CABIN1: variants seen among roughly 807,000 people sequenced by gnomAD.
The protein encoded by CABIN1 is calcineurin-binding protein cabin-1.
A neutral mutation model predicts 227.7 loss-of-function variants in CABIN1; 133 were observed. The ratio of observed to expected loss-of-function variants is 0.58; its 90% confidence interval spans 0.51 to 0.67. CABIN1 has a LOEUF of 0.67. Among genes scored for constraint, CABIN1 ranks in the 30% least tolerant of loss-of-function variants. The probability of loss-of-function intolerance (pLI) is 0.00; values close to 1 mark genes in which losing one functional copy is unlikely to be tolerated. For synonymous variants in CABIN1, 1,086 were observed against 1,155.1 expected (o/e 0.94, Z 1.21); for missense variants, 2,408 against 2,852.5 (o/e 0.84, Z 3.55).
chr22:24,089,749 C>T (rs1275556104), intron 23 of CABIN1, among the ~76,000 whole-genome samples: 1 of 152,176 alleles, frequency 6.6e-6, no homozygotes, highest in Non-Finnish European at 1.5e-5. Flanking sequence ...CTGCTGTGTG[C>T]TTCAGCTTTT....
intron 29 of CABIN1, among the ~76,000 whole-genome samples, chr22:24,148,975 C>T (rs1419871210): frequency 6.6e-6 from 1 of 152,190 alleles, no homozygotes; most frequent in Non-Finnish European, 1.5e-5. Flanking sequence ...CCTTTTTCCT[C>T]CCTCTGCTTT....
chr22:24,030,920 C>T (rs1399770836), intron 1 of CABIN1, among the ~76,000 whole-genome samples: 1 of 152,166 alleles, frequency 6.6e-6, no homozygotes, highest in East Asian at 1.9e-4. Context: ...GAAGCATATG[C>T]CCCAGAGGAA....
At chr22:24,061,849 A>G in intron 12 of CABIN1, 98 bp from the exon 13 acceptor site, 1 of 836,010 alleles carries the variant, frequency 1.2e-6, no homozygotes, top group Non-Finnish European at 2.0e-6. Context: ...TATTTTTATC[A>G]AAAAGTATAG....
chr22:24,161,878 T>C (rs946236548), intron 29 of CABIN1, among the ~76,000 whole-genome samples: 8 of 151,842 alleles, frequency 5.3e-5, no homozygotes, highest in African/African-American at 1.9e-4. Flanking sequence ...CCTGTCCCAC[T>C]CCAGGAGACC....
chr22:24,057,171 C>T lies in CABIN1; in HGVS notation c.1262+811C>T, dbSNP rs893977643. Among the ~76,000 whole-genome samples the T allele has an allele frequency of 5.9e-5, 9 of 152,110 alleles. 1 individual carries two copies. Among genetic ancestry groups the T allele is most frequent in the South Asian group, 2.1e-4 (1 of 4,824 alleles). ...CAGGATGGTCTTGATCTCCTGACCT[C>T]GTAATCTGCCCGCCTCAACCTCCCA... On this transcript the variant is annotated intron_variant, in intron 10 of 36. Coordinates refer to ENST00000263119, the MANE Select transcript of CABIN1 (RefSeq NM_012295.4).
At chr22:24,137,866 TC>T (rs1370161316) in intron 29 of CABIN1, among the ~76,000 whole-genome samples, 1 of 152,240 alleles carries the variant, frequency 6.6e-6, no homozygotes, top group Admixed American at 6.5e-5. Flanking sequence ...GGGCCATGTC[TC>T]TGGTAGATAG....
chr22:24,062,816 T>TC (rs1443790203), intron 13 of CABIN1, 143 bp from the exon 14 acceptor site: 6 of 811,574 alleles, frequency 7.4e-6, no homozygotes, highest in Non-Finnish European at 1.1e-5. Flanking sequence ...TGCCTGCCAC[T>TC]CAGGGAGCTG....
Position 24,063,112 on chromosome 22 carries a change from T to A in CABIN1, c.1850T>A (p.Val617Asp). The A allele has an allele frequency of 6.2e-7, 1 of 1,614,166 alleles. No homozygotes were observed. The highest frequency in any genetic ancestry group is 8.5e-7 in the Non-Finnish European group (1 of 1,180,026). The change falls in exon 14 of 37, where the codon GTT (valine) becomes GAT (aspartate). Residue 617 changes from valine to aspartate, a missense_variant. Physicochemically the swap from Val to Asp is radical, Grantham distance 152. Coordinates refer to ENST00000263119, the MANE Select transcript of CABIN1 (RefSeq NM_012295.4). ...EDGWLEFVVR[V>D]YWLKARFLAL... ...GGTTGGCTGGAGTTTGTGGTCCGTG[T>A]TTACTGGCTGAAGGCTCGCTTCCTG...
Position 24,165,585 on chromosome 22 carries a change from A to G in CABIN1, c.4966A>G (p.Thr1656Ala). The G allele has an allele frequency of 6.2e-7, 1 of 1,613,188 alleles. No homozygotes were observed. The highest frequency in any genetic ancestry group is 8.5e-7 in the Non-Finnish European group (1 of 1,179,976). ...QVLAQRAFIL[T>A]VKVLEDTLSE... ...CCTGGCGCAGCGGGCCTTCATCCTC[A>G]CTGTGAAGGTGCTCGAAGACACGCT... The change falls in exon 31 of 37, where the codon ACT (threonine) becomes GCT (alanine). Residue 1656 changes from threonine to alanine, a missense_variant. By Grantham distance (58) the Thr-to-Ala change is moderately conservative. Coordinates refer to ENST00000263119, the MANE Select transcript of CABIN1 (RefSeq NM_012295.4).
At chr22:24,036,065 C>A (rs760579007) in intron 2 of CABIN1, 24 bp from the exon 3 acceptor site, 40 of 1,563,230 alleles carry the variant, frequency 2.6e-5, no homozygotes, top group Non-Finnish European at 3.2e-5. Context: ...CAACTTGTCT[C>A]TTCCACCAAA....
intron 1 of CABIN1, chr22:24,011,689 C>G (rs1317207960): frequency 1.3e-5 from 2 of 152,300 alleles, no homozygotes; most frequent in Non-Finnish European, 2.9e-5. Flanking sequence ...TAACCCTTTA[C>G]TCGCGACCTT....
At chr22:24,166,521 C>A in intron 31 of CABIN1, 118 bp from the exon 32 acceptor site, 1 of 1,262,066 alleles carries the variant, frequency 7.9e-7, no homozygotes, top group Non-Finnish European at 1.1e-6. Context: ...TGGCAGATGT[C>A]CGGAGCCACA....
intron 4 of CABIN1, among the ~76,000 whole-genome samples, chr22:24,040,923 A>G (rs868284168): frequency 1.3e-5 from 2 of 152,184 alleles, no homozygotes; most frequent in Admixed American, 6.5e-5. Flanking sequence ...TCTGCAAACT[A>G]TTAATACCTC....
chr22:24,084,542 A>G, intron 20 of CABIN1, 37 bp from the exon 21 acceptor site: 2 of 1,522,088 alleles, frequency 1.3e-6, no homozygotes, highest in Non-Finnish European at 1.8e-6. Context: ...ATTTACCCTG[A>G]ATGTGTTACT....
At chr22:24,156,802 T>G (rs1374643862) in intron 29 of CABIN1, among the ~76,000 whole-genome samples, 2 of 151,760 alleles carry the variant, frequency 1.3e-5, no homozygotes, top group Non-Finnish European at 2.9e-5. Context: ...ACAGCAGAGT[T>G]GGCGGCGGGG....
chr22:24,021,977 G>C (rs1358492540), intron 1 of CABIN1, among the ~76,000 whole-genome samples: 1 of 152,166 alleles, frequency 6.6e-6, no homozygotes, highest in Non-Finnish European at 1.5e-5. Context: ...GAGCCACCGT[G>C]CCCGGCCAGC....
At chr22:24,031,452 C>T (rs77177975) in intron 1 of CABIN1, among the ~76,000 whole-genome samples, 1 of 152,296 alleles carries the variant, frequency 6.6e-6, no homozygotes, top group Non-Finnish European at 1.5e-5. Context: ...ACAACTCAGC[C>T]ACACTCTAAA....
intron 5 of CABIN1, among the ~76,000 whole-genome samples, chr22:24,042,248 T>C (rs1225784042): frequency 6.6e-6 from 1 of 152,248 alleles, no homozygotes; most frequent in Non-Finnish European, 1.5e-5. Context: ...CCACCAGGCC[T>C]GGGCATATTT....
rs565924191 is a variant in CABIN1 at position 24,024,968 on chromosome 22, A to C, written c.-74-10476A>C. On this transcript the variant is annotated intron_variant, in intron 1 of 36. Coordinates refer to ENST00000263119, the MANE Select transcript of CABIN1 (RefSeq NM_012295.4). ...TTAGTTGATTCAGTGTATTTAGGAC[A>C]GTTAATATTTTTGACTAGTAATTTC... Among the ~76,000 whole-genome samples the C allele has an allele frequency of 1.3e-4, 20 of 152,226 alleles. No individual in the cohort carries two copies. In the South Asian group the frequency reaches 3.9e-3, roughly 30 times the overall value.
Sources: allele counts gnomAD v4.1 joint callset (sites outside exome capture counted in the v4.1 genomes callset), GRCh38; gene constraint gnomAD v4.1.1; transcripts MANE v1.5; gene names NCBI Gene and HGNC (gene_info 2026-07-23, HGNC 2026-07-21).